Variants in ARID4B observed in about 807,000 individuals in gnomAD.
ARID4B encodes the protein AT-rich interaction domain 4B.
ARID4B carries 26 observed loss-of-function variants against 147.5 expected under a neutral mutation model. That is an observed-to-expected ratio of 0.18 (90% CI 0.13 to 0.24). The LOEUF is 0.24. Ranked by LOEUF, ARID4B falls within the 10% of genes least tolerant of loss-of-function variation. The pLI, the probability that ARID4B is intolerant of heterozygous loss-of-function variation, is 1.00. For synonymous variants in ARID4B, 512 were observed against 507.9 expected, an observed-to-expected ratio of 1.01 and a Z score of -0.11; for missense variants, 1,179 against 1,511.5, an observed-to-expected ratio of 0.78 and a Z score of 3.65.
intron 9 of ARID4B, among the ~76,000 whole-genome samples, chr1:235,231,560 C>T (rs981725307): frequency 6.6e-6 from 1 of 152,196 alleles, no homozygotes; most frequent in African/African-American, 2.4e-5. Flanking sequence ...AATCTTGGCT[C>T]ACCACAACCT....
At chr1:235,291,755 A>C (rs1572168499) in intron 2 of ARID4B, among the ~76,000 whole-genome samples, 1 of 152,172 alleles carries the variant, frequency 6.6e-6, no homozygotes, top group South Asian at 2.1e-4. Context: ...ACAAACAAAA[A>C]AACACCCACA....
chr1:235,283,629 TATTA>T (rs1279879164), intron 2 of ARID4B, among the ~76,000 whole-genome samples: 1 of 152,138 alleles, frequency 6.6e-6, no homozygotes, highest in Non-Finnish European at 1.5e-5. Context: ...TATTAAGTAC[TATTA>T]TTTAACATTT....
chr1:235,266,259 G>A (rs1025222461), intron 2 of ARID4B, among the ~76,000 whole-genome samples: 1 of 152,016 alleles, frequency 6.6e-6, no homozygotes, highest in African/African-American at 2.4e-5. Context: ...ATGTCAGCAG[G>A]TTAACTAAGA....
At chr1:235,215,998 A>C (rs1002980647) in intron 16 of ARID4B, among the ~76,000 whole-genome samples, 6 of 152,230 alleles carry the variant, frequency 3.9e-5, no homozygotes, top group African/African-American at 1.4e-4. Flanking sequence ...ATTCCTAATT[A>C]ATTATACAGG....
At chr1:235,314,543 C>T (rs1674298006) in intron 2 of ARID4B, among the ~76,000 whole-genome samples, 3 of 152,112 alleles carry the variant, frequency 2.0e-5, no homozygotes. Flanking sequence ...ACAATGTTTA[C>T]TGGGCACTTT....
chr1:235,245,092 A>G (rs932059589), intron 7 of ARID4B, among the ~76,000 whole-genome samples: 2 of 152,218 alleles, frequency 1.3e-5, no homozygotes, highest in African/African-American at 4.8e-5. Flanking sequence ...TACACTAGTA[A>G]TCTTCAACCT....
chr1:235,229,225 A>T lies in ARID4B; in HGVS notation c.897+6T>A. The T allele has an allele frequency of 6.2e-7, 1 of 1,607,970 alleles. No individual in the cohort carries two copies. The highest frequency in any genetic ancestry group is 1.1e-5 in the South Asian group (1 of 89,848). On this transcript the variant is annotated splice_donor_region_variant and intron_variant, in intron 11 of 23. Transcript: ENST00000264183. ...ATTTTAAAAGGTATCAACTGTTTTC[A>T]CTTACTTCTTCTTCACTGCTATTAT... is the stretch of plus-strand genomic sequence containing the variant.
At chr1:235,232,289 G>A (rs1668286816) in intron 9 of ARID4B, among the ~76,000 whole-genome samples, 1 of 151,564 alleles carries the variant, frequency 6.6e-6, no homozygotes, top group South Asian at 2.1e-4. Context: ...GTGTGGTGGT[G>A]CATGCCTGTA....
chr1:235,172,664 A>T lies in ARID4B; in HGVS notation c.3765T>A (p.Ala1255=), dbSNP rs1167124915. The part of the protein sequence containing the change: ...KHYLSLKSEV[A]SIDRRRKRLK... ...AACGCTTTCTCCTCCGATCAATGGA[A>T]GCTACTTCAGATTTTAATGACAGAT... The change falls in exon 23 of 24, where the codon GCT becomes GCA. Residue 1255 remains alanine, a synonymous_variant. Coordinates refer to ENST00000264183, the MANE Select transcript of ARID4B (RefSeq NM_016374.6). The T allele has an allele frequency of 6.2e-7, 1 of 1,603,610 alleles. No homozygotes were observed. Among genetic ancestry groups the T allele is most frequent in the Non-Finnish European group, 8.5e-7 (1 of 1,176,166 alleles).
intron 2 of ARID4B, among the ~76,000 whole-genome samples, chr1:235,277,502 GCACTC>G (rs969741467): frequency 1.6e-4 from 24 of 148,716 alleles, no homozygotes; most frequent in African/African-American, 6.0e-4. Flanking sequence ...TCCCGCCACT[GCACTC>G]CAGCCTGGGC....
Position 235,168,497 on chromosome 1 carries a change from G to A in ARID4B, c.*28C>T. ...AAAAGTGGCCCTCAACAGCCATTAA[G>A]TGCAAAGTGCTTTAGCAAGTCCTGC... is the stretch of plus-strand genomic sequence containing the variant. On this transcript the variant is annotated 3_prime_UTR_variant, in exon 24 of 24. Coordinates refer to ENST00000264183, the MANE Select transcript of ARID4B (RefSeq NM_016374.6). The A allele has an allele frequency of 6.2e-7, 1 of 1,611,750 alleles. No individual in the cohort carries two copies. Among genetic ancestry groups the A allele is most frequent in the Non-Finnish European group, 8.5e-7 (1 of 1,178,526 alleles).
rs754560330 is a variant in ARID4B at position 235,213,756 on chromosome 1, A to T, written c.1841+13T>A. 6.2e-7 allele frequency: 1 copy of T among 1,603,062 alleles called. No individual in the cohort carries two copies. ...GTTTTTAGGTAATAATCACTAGCTA[A>T]AACTCAAGTTACCTCACATTCCATC... On this transcript the variant is annotated intron_variant, in intron 17 of 23. Transcript: ENST00000264183.
At chr1:235,321,385 T>C (rs568106420) in intron 2 of ARID4B, among the ~76,000 whole-genome samples, 8 of 152,292 alleles carry the variant, frequency 5.3e-5, no homozygotes, top group African/African-American at 1.9e-4. Context: ...CCTACCTACT[T>C]ACTCTTACAT....
At chr1:235,250,848 T>C (rs1334449829) in intron 6 of ARID4B, among the ~76,000 whole-genome samples, 1 of 152,224 alleles carries the variant, frequency 6.6e-6, no homozygotes, top group Non-Finnish European at 1.5e-5. Context: ...AACTGTCTTA[T>C]GAACCATTCC....
At chr1:235,236,841 T>C (rs1310471877) in intron 8 of ARID4B, among the ~76,000 whole-genome samples, 4 of 33,016 alleles carry the variant, frequency 1.2e-4, no homozygotes, top group African/African-American at 3.6e-4. Flanking sequence ...AAAATATATA[T>C]ATATATATAT....
At chr1:235,317,287 C>G (rs890729193) in intron 2 of ARID4B, among the ~76,000 whole-genome samples, 2 of 152,126 alleles carry the variant, frequency 1.3e-5, no homozygotes, top group Non-Finnish European at 2.9e-5. Flanking sequence ...TACCACAGAG[C>G]TGTGTTTCTT....
chr1:235,325,894 G>C (rs915900728), intron 2 of ARID4B, among the ~76,000 whole-genome samples: 5 of 152,150 alleles, frequency 3.3e-5, no homozygotes, highest in African/African-American at 9.7e-5. Context: ...ATTTTAATTT[G>C]GATGCAAAAT....
chr1:235,272,521 A>AT (rs1380474741), intron 2 of ARID4B, among the ~76,000 whole-genome samples: 33 of 152,282 alleles, frequency 2.2e-4, no homozygotes, highest in Admixed American at 6.5e-4. Context: ...GAAGCGTCTT[A>AT]TATAAACAGG....
chr1:235,206,866 G>A (rs1666339297), intron 17 of ARID4B, among the ~76,000 whole-genome samples: 1 of 152,218 alleles, frequency 6.6e-6, no homozygotes, highest in East Asian at 1.9e-4. Context: ...AAACAGTTCT[G>A]CTGAATGAAA....
Sources: allele counts gnomAD v4.1 joint callset (sites outside exome capture counted in the v4.1 genomes callset), GRCh38; gene constraint gnomAD v4.1.1; transcripts MANE v1.5; gene names NCBI Gene and HGNC (gene_info 2026-07-23, HGNC 2026-07-21).